TUBGCP4: variants seen among roughly 807,000 people sequenced by gnomAD.
TUBGCP4 encodes the protein tubulin gamma complex component 4, also known as gamma-tubulin complex component 4.
Under a neutral mutation model 91.6 loss-of-function variants are expected in TUBGCP4, and 54 were observed. The ratio of observed to expected loss-of-function variants is 0.59; its 90% CI spans 0.47 to 0.74. The LOEUF (loss-of-function observed/expected upper bound fraction) is 0.74. Among genes scored for constraint, TUBGCP4 ranks in the 30% least tolerant of loss-of-function variants. The pLI, the probability that TUBGCP4 is intolerant of heterozygous loss-of-function variation, is 0.00. For missense variants in TUBGCP4, 593 were observed against 800.9 expected, an observed-to-expected ratio of 0.74 and a Z score of 3.13; for synonymous variants, 297 against 302.8, an observed-to-expected ratio of 0.98 and a Z score of 0.20.
intron 17 of TUBGCP4, 108 bp from the exon 18 acceptor site, chr15:43,405,092 TCA>T: frequency 1.5e-6 from 2 of 1,291,684 alleles, no homozygotes; most frequent in Non-Finnish European, 2.2e-6. Context: ...AAGAAACTCT[TCA>T]GTTTTAAGAT....
intron 11 of TUBGCP4, among the ~76,000 whole-genome samples, chr15:43,396,650 G>A (rs1287904834): frequency 1.3e-5 from 2 of 152,166 alleles, no homozygotes; most frequent in African/African-American, 2.4e-5. Context: ...AAGCTCAGAC[G>A]TATGATGGTT....
At chr15:43,398,398 AAT>A in intron 13 of TUBGCP4, 7 of 382,512 alleles carry the variant, frequency 1.8e-5, no homozygotes, top group East Asian at 8.8e-5. Context: ...AAAAAAAAAA[AAT>A]TAATGGGAGC....
At chr15:43,390,061 A>G (rs1030490341) in intron 9 of TUBGCP4, among the ~76,000 whole-genome samples, 3 of 152,084 alleles carry the variant, frequency 2.0e-5, no homozygotes, top group Non-Finnish European at 2.9e-5. Context: ...ACAATTCAAG[A>G]TGAGGTTTGG....
Position 43,383,459 on chromosome 15 carries a change from CAT to C in TUBGCP4, c.679_680del (p.Ile227TrpfsTer18), listed in dbSNP as rs750641485. 1.2e-6 allele frequency: 2 copies of C among 1,613,454 alleles called. No individual in the cohort carries two copies. The highest frequency in any genetic ancestry group is 3.3e-5 in the Admixed American group (2 of 59,914). ...CAGAAGAGGACGAGGAGGATCTGGG[CAT>C]TGGGGGACTGACAGGAAAACAACTG... ...QPEEDEEDLG[I>X]GGLTGKQLRE... On this transcript the variant is annotated frameshift_variant, in exon 7 of 18. Transcript: ENST00000564079. LOFTEE classifies it high-confidence loss of function.
At chr15:43,392,881 C>G (rs2044501215) in intron 9 of TUBGCP4, among the ~76,000 whole-genome samples, 1 of 152,150 alleles carries the variant, frequency 6.6e-6, no homozygotes, top group African/African-American at 2.4e-5. Context: ...TTACCTGATA[C>G]ACTCTTCCAT....
chr15:43,386,607 C>A (rs2044377827), intron 9 of TUBGCP4, among the ~76,000 whole-genome samples: 1 of 148,448 alleles, frequency 6.7e-6, no homozygotes, highest in Non-Finnish European at 1.5e-5. Context: ...CACCTGTAGT[C>A]CCAGCTACTT....
intron 9 of TUBGCP4, among the ~76,000 whole-genome samples, chr15:43,392,728 A>T (rs2044498077): frequency 6.6e-6 from 1 of 152,112 alleles, no homozygotes. Flanking sequence ...CGAACTGCTG[A>T]GCTCAAGTGA....
At chr15:43,385,516 A>C (rs958902306) in intron 7 of TUBGCP4, 2 of 505,090 alleles carry the variant, frequency 4.0e-6, no homozygotes, top group African/African-American at 3.9e-5. Context: ...CAAGTAAGGA[A>C]GCTGGTCGAC....
intron 7 of TUBGCP4, chr15:43,385,306 G>A (rs1005907542): frequency 1.1e-5 from 5 of 454,932 alleles, no homozygotes; most frequent in African/African-American, 8.0e-5. Context: ...AAGATCCATA[G>A]CTTTTATGAT....
chr15:43,398,487 G>A (rs2044617945), intron 13 of TUBGCP4: 1 of 193,632 alleles, frequency 5.2e-6, no homozygotes, highest in African/African-American at 2.3e-5. Flanking sequence ...GGGCTAGACT[G>A]ATCACATTAA....
intron 12 of TUBGCP4, among the ~76,000 whole-genome samples, chr15:43,397,772 A>G (rs1485362833): frequency 6.6e-6 from 1 of 152,134 alleles, no homozygotes; most frequent in African/African-American, 2.4e-5. Context: ...GTGCAGTGGC[A>G]CAATCTTGGC....
intron 9 of TUBGCP4, 35 bp downstream of exon 9, chr15:43,386,365 A>ATTTTT (rs2044365970): frequency 1.6e-5 from 1 of 61,712 alleles, no homozygotes; most frequent in Non-Finnish European, 3.3e-5. Flanking sequence ...ATATATATAT[A>ATTTTT]TATATATATA....
intron 15 of TUBGCP4, chr15:43,403,460 C>A (rs1467614703): frequency 1.3e-5 from 6 of 472,526 alleles, no homozygotes; most frequent in Non-Finnish European, 2.3e-5. Flanking sequence ...TGGTGCAGGG[C>A]TAAGAGAGTA....
At chr15:43,405,049 T>C (rs1377189792) in intron 17 of TUBGCP4, 153 bp from the exon 18 acceptor site, 1 of 820,970 alleles carries the variant, frequency 1.2e-6, no homozygotes, top group East Asian at 2.7e-5. Flanking sequence ...TGCAAGCAGA[T>C]TTTTTTCTAA....
At chr15:43,379,533 C>T (rs1055480359) in intron 5 of TUBGCP4, among the ~76,000 whole-genome samples, 1 of 150,454 alleles carries the variant, frequency 6.6e-6, no homozygotes. Context: ...TCGCACTACT[C>T]GGGAGGCTGA....
intron 12 of TUBGCP4, 124 bp from the exon 13 acceptor site, chr15:43,397,917 G>GC (rs2044608776): frequency 1.0e-6 from 1 of 963,048 alleles, no homozygotes; most frequent in Non-Finnish European, 1.5e-6. Context: ...TCACTGTATT[G>GC]CCCAGACTGG....
Position 43,396,118 on chromosome 15 carries a change from T to G in TUBGCP4, c.1171+430T>G, listed in dbSNP as rs548182976. Among the ~76,000 whole-genome samples the G allele has an allele frequency of 1.6e-4, 24 of 152,318 alleles. No individual in the cohort carries two copies. In the East Asian group the frequency reaches 4.6e-3, roughly 29 times the overall value. On this transcript the variant is annotated intron_variant, in intron 11 of 17. Transcript: ENST00000564079. Reference sequence around the variant, plus strand: ...AAAACTTCGATTCATTCTCTCTCTCTCTCATTCACTCATTCACCACATCTT... The same window carrying G: ...AAAACTTCGATTCATTCTCTCTCTCGCTCATTCACTCATTCACCACATCTT...
At chr15:43,401,644 C>T in intron 14 of TUBGCP4, 72 bp from the exon 15 acceptor site, 1 of 1,500,902 alleles carries the variant, frequency 6.7e-7, no homozygotes, top group Non-Finnish European at 9.1e-7. Flanking sequence ...TCATTTCAAT[C>T]TGTCAGGCAT....
At chr15:43,404,007 T>C in intron 16 of TUBGCP4, 1 of 576,022 alleles carries the variant, frequency 1.7e-6, no homozygotes, top group Non-Finnish European at 3.1e-6. Flanking sequence ...AATAGTTCAG[T>C]CCTGAATAGT....
Sources: gnomAD v4.1 joint callset for allele counts (sites outside exome capture counted in the v4.1 genomes callset) on GRCh38, gnomAD v4.1.1 for gene constraint, MANE v1.5 for transcripts, NCBI Gene and HGNC (gene_info 2026-07-23, HGNC 2026-07-21) for gene names.